Variants in GRM7 observed in about 807,000 individuals in gnomAD.
GRM7 encodes glutamate metabotropic receptor 7.
Under a neutral mutation model 84.5 loss-of-function variants are expected in GRM7, and 35 were observed. That is an observed-to-expected ratio of 0.41 (90% CI 0.32 to 0.55). The LOEUF is 0.55. GRM7 is among the 20% of genes least tolerant of loss of function. GRM7 has a pLI of 0.19. For missense variants in GRM7, 1,003 were observed against 1,194.6 expected (o/e 0.84, Z 2.36); for synonymous variants, 487 against 455.1 (o/e 1.07, Z -0.89).
chr3:7,544,971 G>T (rs772144344), intron 7 of GRM7, among the ~76,000 whole-genome samples: 8 of 152,158 alleles, frequency 5.3e-5, no homozygotes, highest in African/African-American at 1.9e-4. Flanking sequence ...GCTTAATACT[G>T]CAAGTTATAT....
chr3:7,083,219 C>T (rs190365831), intron 1 of GRM7, among the ~76,000 whole-genome samples: 22 of 152,224 alleles, frequency 1.4e-4, no homozygotes. Context: ...CTTCAGCAAC[C>T]ACCACCCTGA....
At chr3:6,883,226 C>A (rs1055475777) in intron 1 of GRM7, among the ~76,000 whole-genome samples, 1 of 151,852 alleles carries the variant, frequency 6.6e-6, no homozygotes, top group East Asian at 1.9e-4. Context: ...GACTTTATGA[C>A]CTTTATGCAT....
At chr3:7,017,710 A>G (rs984412500) in intron 1 of GRM7, among the ~76,000 whole-genome samples, 1 of 152,102 alleles carries the variant, frequency 6.6e-6, no homozygotes, top group Non-Finnish European at 1.5e-5. Flanking sequence ...CATGGTACGC[A>G]GTGAAGCCCC....
intron 7 of GRM7, among the ~76,000 whole-genome samples, chr3:7,540,143 T>G (rs1385653696): frequency 6.6e-6 from 1 of 152,204 alleles, no homozygotes; most frequent in Admixed American, 6.5e-5. Flanking sequence ...AATGCCACAT[T>G]GAACGGTTGC....
chr3:7,355,453 G>C (rs1327206834), intron 4 of GRM7, among the ~76,000 whole-genome samples: 1 of 152,120 alleles, frequency 6.6e-6, no homozygotes, highest in Non-Finnish European at 1.5e-5. Context: ...GTCAGTGCCA[G>C]ATAGAGGTGC....
chr3:7,451,624 C>T (rs1697771526), intron 5 of GRM7, among the ~76,000 whole-genome samples: 1 of 152,126 alleles, frequency 6.6e-6, no homozygotes, highest in South Asian at 2.1e-4. Context: ...ATCATCATTG[C>T]TCTACCTGTA....
At chr3:6,960,727 T>C (rs571314645) in intron 1 of GRM7, among the ~76,000 whole-genome samples, 1 of 152,296 alleles carries the variant, frequency 6.6e-6, no homozygotes, top group African/African-American at 2.4e-5. Flanking sequence ...CTGACTTGAA[T>C]AGAAAATTGA....
intron 2 of GRM7, among the ~76,000 whole-genome samples, chr3:7,276,805 T>TCCCTTCCCTTCCTCCCTTCCC (rs1699086677): frequency 6.8e-3 from 9 of 1,332 alleles, no homozygotes; most frequent in Admixed American, 0.026. Context: ...CTTCCTTCCT[T>TCCCTTCCCTTCCTCCCTTCCC]TTTGGTGGTG....
intron 2 of GRM7, among the ~76,000 whole-genome samples, chr3:7,247,514 A>G (rs1272726290): frequency 2.6e-5 from 4 of 151,414 alleles, no homozygotes. Context: ...CAGGAGGATA[A>G]CTTGAGCCCA....
chr3:7,178,311 G>T (rs1695221506), intron 2 of GRM7, among the ~76,000 whole-genome samples: 1 of 151,500 alleles, frequency 6.6e-6, no homozygotes, highest in African/African-American at 2.4e-5. Context: ...TCATTGCCTT[G>T]TTTCTGCCAC....
intron 7 of GRM7, among the ~76,000 whole-genome samples, chr3:7,475,235 C>T (rs1014543127): frequency 6.6e-6 from 1 of 152,160 alleles, no homozygotes; most frequent in Non-Finnish European, 1.5e-5. Flanking sequence ...GTAAGGGAGC[C>T]TTCACAATGA....
intron 2 of GRM7, among the ~76,000 whole-genome samples, chr3:7,178,067 A>G (rs1427109661): frequency 6.6e-6 from 1 of 152,158 alleles, no homozygotes; most frequent in Non-Finnish European, 1.5e-5. Flanking sequence ...TCTTTAATGA[A>G]TTTAATGTAT....
chr3:7,481,470 G>A (rs866963276), intron 7 of GRM7, among the ~76,000 whole-genome samples: 1 of 152,192 alleles, frequency 6.6e-6, no homozygotes, highest in Non-Finnish European at 1.5e-5. Flanking sequence ...CAAATGGTAG[G>A]CAGCAAGTAA....
rs184611967 is a variant in GRM7 at position 7,346,198 on chromosome 3, G to C, written c.1033+39546G>C. ...TGGGCACTTGTCTACCGTGTACCTAGGTAATTTCAATACTGTAAAAGTATT... is the reference window on the plus strand; with the variant it reads ...TGGGCACTTGTCTACCGTGTACCTACGTAATTTCAATACTGTAAAAGTATT... On this transcript the variant is annotated intron_variant, in intron 4 of 9. Coordinates refer to ENST00000357716, the MANE Select transcript of GRM7 (RefSeq NM_000844.4). 1.1e-3 allele frequency among the ~76,000 whole-genome samples: 164 copies of C among 152,168 alleles called. 1 individual carries two copies. The highest frequency in any genetic ancestry group is 0.01 in the Admixed American group (158 of 15,280).
intron 5 of GRM7, among the ~76,000 whole-genome samples, chr3:7,425,496 C>T (rs1212511743): frequency 6.6e-6 from 1 of 152,082 alleles, no homozygotes; most frequent in Non-Finnish European, 1.5e-5. Flanking sequence ...AAGTCGGCAG[C>T]CTTGTTAAAG....
At chr3:7,124,740 C>G (rs191788772) in intron 1 of GRM7, among the ~76,000 whole-genome samples, 2 of 152,152 alleles carry the variant, frequency 1.3e-5, no homozygotes, top group Admixed American at 1.3e-4. Context: ...TTTTCCCCAT[C>G]ACAATGAGAA....
In GRM7 at chr3:7,305,627, TGAGA is replaced by T. The variant is rs1452983986; in HGVS notation, c.879-870_879-867del. Among the ~76,000 whole-genome samples the T allele has an allele frequency of 6.5e-4, 30 of 45,956 alleles. 5 individuals carry two copies. Among genetic ancestry groups the T allele is most frequent in the Non-Finnish European group, 1.7e-3 (19 of 11,044 alleles). The allele number at this position is 45,956 out of a possible 152,430, so 30.1% of individuals were successfully genotyped here. On this transcript the variant is annotated intron_variant, in intron 3 of 9. Transcript: ENST00000357716. ...GTTTTTTGTTCTTGCGATAGTTTAC[TGAGA>T]ATGATTTTTTTCTTTAGAAAACTGT...
intron 7 of GRM7, among the ~76,000 whole-genome samples, chr3:7,501,783 G>T (rs1699892299): frequency 6.6e-6 from 1 of 152,130 alleles, no homozygotes; most frequent in Non-Finnish European, 1.5e-5. Flanking sequence ...TTGATACAAG[G>T]CACTATGTTC....
intron 7 of GRM7, among the ~76,000 whole-genome samples, chr3:7,526,870 G>T (rs967255707): frequency 3.3e-5 from 5 of 151,716 alleles, no homozygotes; most frequent in South Asian, 2.1e-4. Context: ...TTTCTATATT[G>T]TTTTATTGGC....
Sources: allele counts gnomAD v4.1 joint callset (sites outside exome capture counted in the v4.1 genomes callset), GRCh38; gene constraint gnomAD v4.1.1; transcripts MANE v1.5; gene names NCBI Gene and HGNC (gene_info 2026-07-23, HGNC 2026-07-21).